The following ASXL3 variants were observed in gnomAD, a reference collection of about 807,000 sequenced individuals.
ASXL3 encodes putative Polycomb group protein ASXL3.
In ASXL3, 34 loss-of-function variants were observed where a neutral mutation model predicts 170.6. The ratio of observed to expected loss-of-function variants is 0.20; its 90% CI spans 0.15 to 0.27. The LOEUF is 0.27. Ranked by LOEUF, ASXL3 falls within the 10% of genes least tolerant of loss-of-function variation. ASXL3 has a pLI of 1.00. For missense variants in ASXL3, 2,592 were observed against 2,695.3 expected, an observed-to-expected ratio of 0.96 and a Z score of 0.85; for synonymous variants, 1,002 against 989.1, an observed-to-expected ratio of 1.01 and a Z score of -0.24.
chr18:33,690,611 C>G (rs536327286), intron 8 of ASXL3, among the ~76,000 whole-genome samples: 2 of 152,250 alleles, frequency 1.3e-5, no homozygotes, highest in South Asian at 4.1e-4. Context: ...ATCTACTAAC[C>G]CCAATGCTAA....
chr18:33,728,273 C>T (rs986635177), intron 8 of ASXL3, among the ~76,000 whole-genome samples: 2 of 152,134 alleles, frequency 1.3e-5, no homozygotes, highest in African/African-American at 4.8e-5. Context: ...CTCAAATGCA[C>T]AATAATTCTA....
rs780719574 is a variant in ASXL3, at chr18:33,683,394, G to C, written c.716-11G>C. 6.2e-7 allele frequency: 1 copy of C among 1,606,694 alleles called. No homozygotes were observed. Among genetic ancestry groups the C allele is most frequent in the South Asian group, 1.1e-5 (1 of 89,508 alleles). On this transcript the variant is annotated splice_polypyrimidine_tract_variant and intron_variant, in intron 7 of 11. Transcript: ENST00000269197. The stretch of plus-strand genomic sequence containing the variant: ...TGTAGTAAATTCATGCCTCTTGCTT[G>C]TTCATCACAGGGCACTTGAAATGGA...
At chr18:33,654,992 T>C (rs2145218822) in intron 4 of ASXL3, among the ~76,000 whole-genome samples, 1 of 152,192 alleles carries the variant, frequency 6.6e-6, no homozygotes, top group Middle Eastern at 3.4e-3. Flanking sequence ...ACGTCTTATG[T>C]ATACAATGGT....
At chr18:33,675,805 C>T (rs1383489709) in intron 7 of ASXL3, among the ~76,000 whole-genome samples, 2 of 152,090 alleles carry the variant, frequency 1.3e-5, no homozygotes, top group African/African-American at 4.8e-5. Flanking sequence ...CATGGACCCC[C>T]TCAGACCCTT....
In ASXL3 at chr18:33,609,903, T is replaced by C. The variant is rs141017599; in HGVS notation, c.137+2227T>C. On this transcript the variant is annotated intron_variant, in intron 2 of 11. Coordinates refer to ENST00000269197, the MANE Select transcript of ASXL3 (RefSeq NM_030632.3). ...TGCATTTTGTGCTCCCATTTGTTTT[T>C]TCATTCTATTCCTTTAAATTTCCCC... Among the ~76,000 whole-genome samples the C allele has an allele frequency of 6.8e-3, 1,037 of 152,148 alleles. 12 individuals carry two copies. Among genetic ancestry groups the C allele is most frequent in the African/African-American group, 0.023 (974 of 41,544 alleles).
At chr18:33,735,335 ATAGGGTGCTCAGAG>A (rs1465271719) in intron 10 of ASXL3, among the ~76,000 whole-genome samples, 4 of 152,340 alleles carry the variant, frequency 2.6e-5, no homozygotes, top group South Asian at 2.1e-4. Flanking sequence ...ACTGCTTGGA[ATAGGGTGCTCAGAG>A]TATGCTACCC....
Position 33,734,321 on chromosome 18 carries a change from C to G in ASXL3, c.988C>G (p.Pro330Ala). Residue 330 changes from proline to alanine, a missense_variant, in exon 10 of 12, where the codon CCA becomes GCA. By Grantham distance (27) the Pro-to-Ala change is conservative (BLOSUM62 -1). Coordinates refer to ENST00000269197, the MANE Select transcript of ASXL3 (RefSeq NM_030632.3). ...KQRLAEGEFT[P>A]EMQLRIRQEI... Reference sequence around the variant, plus strand: ...CATTTTCTTTTTAGGAGAGTTTACCCCAGAAATGCAGTTGCGGATAAGGCA... The same window carrying G: ...CATTTTCTTTTTAGGAGAGTTTACCGCAGAAATGCAGTTGCGGATAAGGCA... The G allele has an allele frequency of 1.9e-6, 3 of 1,598,812 alleles. No individual in the cohort carries two copies. The highest frequency in any genetic ancestry group is 2.6e-6 in the Non-Finnish European group (3 of 1,173,658).
At chr18:33,597,755 A>G (rs1271122164) in intron 1 of ASXL3, among the ~76,000 whole-genome samples, 1 of 151,746 alleles carries the variant, frequency 6.6e-6, no homozygotes, top group African/African-American at 2.4e-5. Flanking sequence ...GTGAATTAAA[A>G]GTGAATTAAT....
At chr18:33,732,388 T>A (rs2145397959) in intron 9 of ASXL3, among the ~76,000 whole-genome samples, 1 of 152,314 alleles carries the variant, frequency 6.6e-6, no homozygotes, top group Middle Eastern at 3.4e-3. Context: ...TAAAGAAACT[T>A]CTTTTAACGC....
intron 8 of ASXL3, among the ~76,000 whole-genome samples, chr18:33,695,376 C>T (rs184681292): frequency 1.3e-5 from 2 of 152,196 alleles, no homozygotes; most frequent in Middle Eastern, 3.4e-3. Context: ...GTAAATCATA[C>T]ATAGCCAGAG....
chr18:33,661,896 A>AT (rs1197950934), intron 5 of ASXL3, among the ~76,000 whole-genome samples, 159 bp downstream of exon 5: 1 of 112,602 alleles, frequency 8.9e-6, no homozygotes, highest in Non-Finnish European at 1.9e-5. Flanking sequence ...TTAATCTGTG[A>AT]TAAAAAAAAA....
At chr18:33,694,514 C>T (rs182405959) in intron 8 of ASXL3, among the ~76,000 whole-genome samples, 1 of 152,160 alleles carries the variant, frequency 6.6e-6, no homozygotes, top group Admixed American at 6.5e-5. Context: ...TTCTCTGACT[C>T]CCTCTATTTG....
chr18:33,697,877 A>G (rs2066798349), intron 8 of ASXL3, among the ~76,000 whole-genome samples: 2 of 152,194 alleles, frequency 1.3e-5, no homozygotes, highest in African/African-American at 4.8e-5. Context: ...ATTCAGCTGA[A>G]GAACTCCAGA....
intron 1 of ASXL3, among the ~76,000 whole-genome samples, chr18:33,595,793 A>G (rs1599377899): frequency 6.6e-6 from 1 of 152,172 alleles, no homozygotes; most frequent in Non-Finnish European, 1.5e-5. Flanking sequence ...ATCCTGGAGA[A>G]GATTAATGAT....
intron 9 of ASXL3, among the ~76,000 whole-genome samples, chr18:33,733,027 A>G (rs1568355484): frequency 1.3e-5 from 2 of 152,164 alleles, no homozygotes; most frequent in South Asian, 4.1e-4. Flanking sequence ...TTCTTGGGCT[A>G]CGTTTCTGCC....
intron 1 of ASXL3, among the ~76,000 whole-genome samples, chr18:33,606,518 T>C (rs900610657): frequency 3.9e-5 from 6 of 152,134 alleles, no homozygotes; most frequent in African/African-American, 1.4e-4. Context: ...ATTGACAGTA[T>C]AAGAGATCAC....
intron 10 of ASXL3, among the ~76,000 whole-genome samples, chr18:33,736,450 T>C (rs572740857): frequency 6.6e-6 from 1 of 152,266 alleles, no homozygotes; most frequent in East Asian, 1.9e-4. Flanking sequence ...AGATACATTT[T>C]GAACATTTCA....
Position 33,743,400 on chromosome 18 carries a change from G to T in ASXL3, c.3552G>T (p.Gln1184His). 15 of 1,613,276 alleles carry T rather than the reference G, an allele frequency of 9.3e-6. No individual in the cohort carries two copies. Among genetic ancestry groups the T allele is most frequent in the Non-Finnish European group, 1.3e-5 (15 of 1,179,864 alleles). Residue 1184 changes from glutamine to histidine, a missense_variant, in exon 12 of 12, where the codon CAG (glutamine) becomes CAT (histidine). Gln to His is a conservative substitution (Grantham distance 24, BLOSUM62 0). Around this residue, in one of 4 missense-constraint regions of ASXL3, gnomAD observed 2,246 missense variants for 2,219.6 expected, o/e 1.01. Transcript: ENST00000269197. ...HLRETTTVLQQSLNPSKLPET... is the reference protein window; with the variant it reads ...HLRETTTVLQHSLNPSKLPET... ...GGGAGACCACCACTGTACTACAGCA[G>T]TCTCTTAACCCAAGTAAACTTCCAG... is the stretch of plus-strand genomic sequence containing the variant.
In ASXL3 at chr18:33,739,498, A is replaced by G; in HGVS notation, c.2094A>G (p.Leu698=). The stretch of plus-strand genomic sequence containing the variant: ...CAGAAGCATCTCTTATGTCCAACTT[A>G]CCATTAACATCTGAAGCATCACCAG... The part of the protein sequence containing the change: ...EISEASLMSN[L]PLTSEASPVS... The change falls in exon 11 of 12, where the codon TTA becomes TTG. Residue 698 remains leucine (L), a synonymous_variant. Coordinates refer to ENST00000269197, the MANE Select transcript of ASXL3 (RefSeq NM_030632.3). The G allele has an allele frequency of 6.2e-7, 1 of 1,613,916 alleles. No homozygotes were observed. The highest frequency in any genetic ancestry group is 8.5e-7 in the Non-Finnish European group (1 of 1,179,848).
Sources: allele counts gnomAD v4.1 joint callset (sites outside exome capture counted in the v4.1 genomes callset), GRCh38; gene constraint gnomAD v4.1.1; regional missense constraint gnomAD v4.1.1; transcripts MANE v1.5; gene names NCBI Gene and HGNC (gene_info 2026-07-23, HGNC 2026-07-21).